Variants in ARMC2 observed in about 807,000 individuals in gnomAD.
ARMC2 encodes armadillo repeat-containing protein 2.
Under a neutral mutation model 90.3 loss-of-function variants are expected in ARMC2, and 67 were observed. The observed-to-expected ratio is 0.74, with a 90% confidence interval of 0.61 to 0.91. ARMC2 has a LOEUF of 0.91. Among genes scored for constraint, ARMC2 ranks in the 40% least tolerant of loss-of-function variants. The pLI is 0.00. For missense variants in ARMC2, 920 were observed against 1,030.9 expected, an observed-to-expected ratio of 0.89 and a Z score of 1.47; for synonymous variants, 393 against 393.0, an observed-to-expected ratio of 1.00 and a Z score of 0.00.
the ARMC2 span, among the ~76,000 whole-genome samples, chr6:109,034,133 C>T: frequency 6.6e-6 from 1 of 152,156 alleles, no homozygotes; most frequent in Non-Finnish European, 1.5e-5. Context: ...AGCTACAGTA[C>T]ATTGAACCAA....
At chr6:108,924,377 G>A (rs182327769) in intron 10 of ARMC2, among the ~76,000 whole-genome samples, 61 of 152,276 alleles carry the variant, frequency 4.0e-4, no homozygotes, top group African/African-American at 1.3e-3. Flanking sequence ...AATTAGCAGG[G>A]TGTGGTGGTG....
At chr6:108,852,192 T>C (rs917877158) in intron 1 of ARMC2, among the ~76,000 whole-genome samples, 3 of 152,190 alleles carry the variant, frequency 2.0e-5, no homozygotes, top group South Asian at 2.1e-4. Flanking sequence ...TTAACAAATA[T>C]CAATTTAAAA....
chr6:108,897,342 G>A (rs1289112071), intron 6 of ARMC2, among the ~76,000 whole-genome samples: 2 of 152,172 alleles, frequency 1.3e-5, no homozygotes, highest in African/African-American at 4.8e-5. Context: ...TTTTGGATAA[G>A]GGATTGTGAA....
the ARMC2 span, chr6:108,999,025 A>C: frequency 4.0e-6 from 1 of 252,408 alleles, no homozygotes; most frequent in South Asian, 6.8e-5. Context: ...TTTTGCTTAA[A>C]AGTGGCTGCT....
intron 10 of ARMC2, among the ~76,000 whole-genome samples, chr6:108,918,378 G>A (rs9400254): frequency 0.033 from 4,994 of 152,238 alleles, 218 homozygotes; most frequent in East Asian, 0.2. Context: ...AGGGGTGTGA[G>A]GGGGCCATCT....
At chr6:108,936,294 T>G (rs1329286859) in intron 11 of ARMC2, among the ~76,000 whole-genome samples, 3 of 152,212 alleles carry the variant, frequency 2.0e-5, no homozygotes, top group African/African-American at 7.2e-5. Context: ...TCTCGCCCCA[T>G]TGCCCAGTCT....
At chr6:109,003,756 A>C in the ARMC2 span, among the ~76,000 whole-genome samples, 3 of 152,162 alleles carry the variant, frequency 2.0e-5, no homozygotes, top group Admixed American at 2.0e-4. Flanking sequence ...CCTGTTATTC[A>C]ATATATAATT....
the ARMC2 span, among the ~76,000 whole-genome samples, chr6:108,989,118 T>C: frequency 2.6e-5 from 4 of 152,122 alleles, no homozygotes; most frequent in Non-Finnish European, 5.9e-5. Flanking sequence ...TTCTCTCACC[T>C]CAGCCTCCCG....
chr6:108,965,350 C>T (rs1389551642), intron 17 of ARMC2, among the ~76,000 whole-genome samples: 1 of 143,680 alleles, frequency 7.0e-6, no homozygotes, highest in Non-Finnish European at 1.5e-5. Flanking sequence ...TCATTAGATA[C>T]ATTCATGATT....
chr6:109,005,911 A>G, the ARMC2 span, among the ~76,000 whole-genome samples: 2 of 152,224 alleles, frequency 1.3e-5, no homozygotes, highest in Non-Finnish European at 2.9e-5. Context: ...CTAATTTCTC[A>G]GAAGTAGCAG....
the ARMC2 span, chr6:109,009,507 G>A: frequency 1.7e-6 from 2 of 1,203,720 alleles, no homozygotes; most frequent in African/African-American, 1.6e-5. Context: ...CGAGCGCTGG[G>A]CAGCCGGCCG....
At chr6:109,037,142 C>T in the ARMC2 span, among the ~76,000 whole-genome samples, 1 of 152,062 alleles carries the variant, frequency 6.6e-6, no homozygotes, top group Admixed American at 6.5e-5. Context: ...GGCCATAAGT[C>T]CAGAAAAACA....
rs73762608 is a variant in ARMC2, at chr6:108,935,041, C to T, written c.1497-1859C>T. Among the ~76,000 whole-genome samples the T allele has an allele frequency of 7.1e-3, 1,085 of 152,258 alleles. 19 individuals are homozygous for T. Among genetic ancestry groups the T allele is most frequent in the African/African-American group, 0.025 (1,052 of 41,550 alleles). ...GTTTAGTTATTTTCCCGAGATCACA[C>T]AACTAGTATGTCATAGAGCTGCAGT... is the stretch of plus-strand genomic sequence containing the variant. On this transcript the variant is annotated intron_variant, in intron 11 of 17. Transcript: ENST00000392644.
intron 17 of ARMC2, among the ~76,000 whole-genome samples, chr6:108,969,509 T>C (rs1399935963): frequency 6.6e-6 from 1 of 152,236 alleles, no homozygotes; most frequent in Non-Finnish European, 1.5e-5. Context: ...ATTGGTTACC[T>C]AAATAAGCAC....
At chr6:108,967,422 A>C (rs1778449913) in intron 17 of ARMC2, among the ~76,000 whole-genome samples, 1 of 152,082 alleles carries the variant, frequency 6.6e-6, no homozygotes, top group Admixed American at 6.6e-5. Flanking sequence ...GATCAGAAGG[A>C]GGTGTGGGCA....
At chr6:108,979,487 G>A in the ARMC2 span, among the ~76,000 whole-genome samples, 4 of 152,102 alleles carry the variant, frequency 2.6e-5, no homozygotes, top group South Asian at 2.1e-4. Context: ...TGCTCTTTTC[G>A]AGGAGTATCT....
At chr6:108,890,189 CAAAAAAAAAAAAAAAAAAAAAA>C (rs869186045) in intron 5 of ARMC2, among the ~76,000 whole-genome samples, 127 of 64,248 alleles carry the variant, frequency 2.0e-3, no homozygotes, top group African/African-American at 8.5e-3. Context: ...GACTCCGTCT[CAAAAAAAAAAAAAAAAAAAAAA>C]AAAAAAAAAA....
At chr6:108,965,240 A>T (rs1778278269) in intron 17 of ARMC2, 100 bp downstream of exon 17, 1 of 1,053,826 alleles carries the variant, frequency 9.5e-7, no homozygotes, top group Non-Finnish European at 1.4e-6. Context: ...CATTTAGGTG[A>T]CTATATTTCT....
At chr6:108,929,211 A>G (rs1775337001) in intron 11 of ARMC2, among the ~76,000 whole-genome samples, 1 of 152,120 alleles carries the variant, frequency 6.6e-6, no homozygotes, top group African/African-American at 2.4e-5. Context: ...TACCTATCTA[A>G]TGCATTGTAG....
Sources: gnomAD v4.1 joint callset for allele counts (sites outside exome capture counted in the v4.1 genomes callset) on GRCh38, gnomAD v4.1.1 for gene constraint, MANE v1.5 for transcripts, NCBI Gene and HGNC (gene_info 2026-07-23, HGNC 2026-07-21) for gene names.